Variants in KCNAB2 observed in about 807,000 individuals in gnomAD.
KCNAB2 encodes the protein voltage-gated potassium channel subunit beta-2.
KCNAB2 carries 29 observed loss-of-function variants against 63.6 expected under a neutral mutation model. The observed-to-expected ratio is 0.46, with a 90% CI of 0.34 to 0.62. KCNAB2 has a LOEUF of 0.62. Among genes scored for constraint, KCNAB2 ranks in the 20% least tolerant of loss-of-function variants. KCNAB2 has a pLI of 0.01. For missense variants in KCNAB2, 359 were observed against 563.9 expected (o/e 0.64, Z 3.68); for synonymous variants, 222 against 224.2 (o/e 0.99, Z 0.09).
intron 1 of KCNAB2, among the ~76,000 whole-genome samples, chr1:6,051,217 G>A (rs1283955594): frequency 1.3e-5 from 2 of 152,228 alleles, no homozygotes; most frequent in Non-Finnish European, 2.9e-5. Context: ...GGACACTTGG[G>A]GTGCAGCTGT....
chr1:6,090,310 G>A, intron 8 of KCNAB2, 79 bp from the exon 9 acceptor site: 1 of 1,001,628 alleles, frequency 1.0e-6, no homozygotes, highest in East Asian at 2.6e-5. Flanking sequence ...CTTGTTCCCT[G>A]AGCCGGGCAT....
intron 4 of KCNAB2, among the ~76,000 whole-genome samples, chr1:6,080,197 C>G (rs1664073518): frequency 6.6e-6 from 1 of 152,172 alleles, no homozygotes; most frequent in South Asian, 2.1e-4. Context: ...CTCCTGGGCT[C>G]TCTCCTCCTG....
intron 1 of KCNAB2, among the ~76,000 whole-genome samples, chr1:6,047,246 G>A (rs1233985365): frequency 1.3e-5 from 2 of 152,202 alleles, no homozygotes; most frequent in African/African-American, 2.4e-5. Flanking sequence ...GAGCCCGGCA[G>A]TGGGGCCACT....
In KCNAB2 at chr1:6,008,838, A is replaced by C. The variant is rs571841808; in HGVS notation, c.-53+16050A>C. 1.1e-4 allele frequency among the ~76,000 whole-genome samples: 16 copies of C among 152,032 alleles called. No homozygotes were observed. The South Asian group carries it at 1.5e-3, about 14-fold the overall frequency. Reference sequence around the variant, plus strand: ...CACATGGGGAGAGGTCACCTGGGGGACTTGTTTCCGTGGGAACCTCAGGCC... The same window carrying C: ...CACATGGGGAGAGGTCACCTGGGGGCCTTGTTTCCGTGGGAACCTCAGGCC... On this transcript the variant is annotated intron_variant, in intron 1 of 16. Coordinates refer to the KCNAB2 transcript ENST00000341524.
intron 1 of KCNAB2, among the ~76,000 whole-genome samples, chr1:5,993,556 C>G (rs932252748): frequency 2.6e-5 from 4 of 152,218 alleles, no homozygotes; most frequent in Non-Finnish European, 5.9e-5. Flanking sequence ...ACTGCTGCAC[C>G]GCGTCCTGCG....
At chr1:6,015,562 C>T (rs909286656) in intron 1 of KCNAB2, among the ~76,000 whole-genome samples, 1 of 152,244 alleles carries the variant, frequency 6.6e-6, no homozygotes, top group Non-Finnish European at 1.5e-5. Context: ...CCCTTCCCTG[C>T]CATAGCTGCG....
At chr1:6,018,066 G>A (rs1658616777) in intron 1 of KCNAB2, among the ~76,000 whole-genome samples, 1 of 152,164 alleles carries the variant, frequency 6.6e-6, no homozygotes, top group South Asian at 2.1e-4. Flanking sequence ...GCACACACCT[G>A]TAATCCCATA....
chr1:6,009,358 T>G (rs1658011509), intron 1 of KCNAB2, among the ~76,000 whole-genome samples: 1 of 152,322 alleles, frequency 6.6e-6, no homozygotes, highest in Non-Finnish European at 1.5e-5. Context: ...ATAAGCAGGC[T>G]GGCTAACGGG....
intron 15 of KCNAB2, chr1:6,098,042 G>A: frequency 2.1e-6 from 1 of 469,010 alleles, no homozygotes; most frequent in Non-Finnish European, 2.8e-6. Flanking sequence ...TGGGAAGGTG[G>A]GGCCCCCGGG....
At chr1:6,014,105 C>T in intron 1 of KCNAB2, among the ~76,000 whole-genome samples, 1 of 152,224 alleles carries the variant, frequency 6.6e-6, no homozygotes, top group East Asian at 1.9e-4. Flanking sequence ...CACGGGAAAG[C>T]CCTTATCCCG....
At chr1:6,061,538 T>A (rs1248690342) in intron 2 of KCNAB2, among the ~76,000 whole-genome samples, 1 of 152,194 alleles carries the variant, frequency 6.6e-6, no homozygotes, top group Non-Finnish European at 1.5e-5. Flanking sequence ...GGCTGGACAA[T>A]TCTCTGTCAT....
chr1:6,037,097 G>A (rs866854568), intron 1 of KCNAB2, among the ~76,000 whole-genome samples: 1 of 152,216 alleles, frequency 6.6e-6, no homozygotes, highest in African/African-American at 2.4e-5. Flanking sequence ...TCTAGGCCAG[G>A]GGTCTTCAAA....
At position 5,994,904 on chromosome 1, in the gene KCNAB2, G is replaced by A. The variant is rs944396106; in HGVS notation, c.-53+2116G>A. On this transcript the variant is annotated intron_variant, in intron 1 of 16. Coordinates refer to the KCNAB2 transcript ENST00000341524. This position sits in a 1 kb window ranked among gnomAD's most constrained non-coding sequence, Gnocchi z 5.4. ...TGGCAGTTTCCGGCCTGGGCTTGGA[G>A]GGAGGGGCCTCCCCTAGACCTTCCT... Among the ~76,000 whole-genome samples, 1 of 152,218 alleles carries A rather than the reference G, an allele frequency of 6.6e-6. No individual in the cohort carries two copies. Among genetic ancestry groups the A allele is most frequent in the Non-Finnish European group, 1.5e-5 (1 of 68,032 alleles).
At chr1:6,029,445 C>T (rs138684751), upstream of KCNAB2, among the ~76,000 whole-genome samples, 4 of 152,282 alleles carry the variant, frequency 2.6e-5, no homozygotes, top group Admixed American at 6.5e-5. Flanking sequence ...CCAGGATGCA[C>T]CGTACAAGAG....
chr1:6,050,473 C>T (rs1303305575), intron 1 of KCNAB2, among the ~76,000 whole-genome samples: 1 of 152,246 alleles, frequency 6.6e-6, no homozygotes, highest in Non-Finnish European at 1.5e-5. Flanking sequence ...AGGCTGCCCT[C>T]ACTGGTCCAC....
chr1:6,001,943 C>T (rs928427088), intron 1 of KCNAB2, among the ~76,000 whole-genome samples: 2 of 152,190 alleles, frequency 1.3e-5, no homozygotes, highest in Non-Finnish European at 2.9e-5. Flanking sequence ...TGAGCCCCCT[C>T]GATGTCCTGT....
rs1458776575 is a variant in KCNAB2, at chr1:6,100,224, G to A, written c.*1650G>A. 4.9e-6 allele frequency: 4 copies of A among 822,862 alleles called. No individual in the cohort carries two copies. In the African/African-American group the frequency reaches 5.2e-5, roughly 11 times the overall value. 51.0% of individuals were successfully genotyped at this position (822,862 alleles called of 1,614,324 possible). A position where few individuals can be genotyped will look rare whatever the true frequency, so the allele number is the denominator to read the frequency against. On this transcript the variant is annotated 3_prime_UTR_variant, in exon 16 of 16. Transcript: ENST00000378083. ...CAGCGGGGAGAGGCTGGGGCGAGGGGAGGAGGGGGATCAGCTTCTGCTATT... is the reference window on the plus strand; with the variant it reads ...CAGCGGGGAGAGGCTGGGGCGAGGGAAGGAGGGGGATCAGCTTCTGCTATT...
chr1:6,001,065 G>A (rs1657229808), intron 1 of KCNAB2, among the ~76,000 whole-genome samples: 1 of 152,150 alleles, frequency 6.6e-6, no homozygotes, highest in Non-Finnish European at 1.5e-5. Context: ...GACAGCATGG[G>A]GTGTCAGGGC....
At chr1:6,015,764 T>C (rs1341678925) in intron 1 of KCNAB2, among the ~76,000 whole-genome samples, 1 of 152,124 alleles carries the variant, frequency 6.6e-6, no homozygotes, top group Non-Finnish European at 1.5e-5. Flanking sequence ...GAGTGCAGTG[T>C]CGCAGTCATG....
Sources: gnomAD v4.1 joint callset for allele counts (sites outside exome capture counted in the v4.1 genomes callset) on GRCh38, gnomAD v4.1.1 for gene constraint, Gnocchi (gnomAD v3.1) non-coding constraint, MANE v1.5 for transcripts, NCBI Gene and HGNC (gene_info 2026-07-23, HGNC 2026-07-21) for gene names.